TRAPPC8: variants seen among roughly 807,000 people sequenced by gnomAD.
TRAPPC8 encodes the protein general sporulation gene 1 homolog.
A neutral mutation model predicts 174.3 loss-of-function variants in TRAPPC8; 54 were observed. The ratio of observed to expected loss-of-function variants is 0.31; its 90% CI spans 0.25 to 0.39. The LOEUF (loss-of-function observed/expected upper bound fraction) is 0.39, where lower values mean the gene tolerates loss of function less well. TRAPPC8 is among the 10% of genes least tolerant of loss of function. TRAPPC8 has a pLI of 1.00. For synonymous variants in TRAPPC8, 630 were observed against 579.9 expected (o/e 1.09, Z -1.24); for missense variants, 1,531 against 1,699.1 (o/e 0.90, Z 1.74).
At chr18:31,885,743 C>T (rs2035676676) in intron 12 of TRAPPC8, among the ~76,000 whole-genome samples, 1 of 151,494 alleles carries the variant, frequency 6.6e-6, no homozygotes, top group Non-Finnish European at 1.5e-5. Context: ...GCCCGTAATC[C>T]CAGCTACTCG....
chr18:31,890,830 C>T lies in TRAPPC8; in HGVS notation c.1633G>A (p.Ala545Thr). 1 of 1,611,362 alleles carries T rather than the reference C, an allele frequency of 6.2e-7. No individual in the cohort carries two copies. Among genetic ancestry groups the T allele is most frequent in the Middle Eastern group, 1.7e-4 (1 of 6,052 alleles). Reference protein sequence around the residue: ...DLRSALLLEQAAHCFINMKSP... With the variant: ...DLRSALLLEQTAHCFINMKSP... ...TTCATGTTTATAAAGCAATGTGCTGCCTGTTCCAAAAGAAGTGCACTTCGA... is the reference window on the plus strand; with the variant it reads ...TTCATGTTTATAAAGCAATGTGCTGTCTGTTCCAAAAGAAGTGCACTTCGA... Residue 545 changes from alanine to threonine, a missense_variant, in exon 12 of 29, where the codon GCA (alanine) becomes ACA (threonine). Transcript: ENST00000283351.
At chr18:31,913,631 C>T (rs1047099236) in intron 4 of TRAPPC8, 109 bp from the exon 5 acceptor site, 8 of 792,902 alleles carry the variant, frequency 1.0e-5, no homozygotes, top group South Asian at 8.1e-5. Context: ...CCCAAAAAGG[C>T]ATATTTAGAC....
chr18:31,853,906 A>C lies in TRAPPC8; in HGVS notation c.3376T>G (p.Ser1126Ala), dbSNP rs1053730156. The change falls in exon 22 of 29, where the codon TCA becomes GCA. Residue 1126 changes from serine (S) to alanine (A), a missense_variant. By Grantham distance (99) the Ser-to-Ala change is moderately conservative. Coordinates refer to ENST00000283351, the MANE Select transcript of TRAPPC8 (RefSeq NM_014939.5). ...GVKEFHIVQV[S>A]SSSKHWKLQK... ...AACTTCCAGTGTTTGCTACTACTTG[A>C]TACTTGCACTATGTGGAATTCCTTA... The C allele has an allele frequency of 6.2e-7, 1 of 1,611,542 alleles. No individual in the cohort carries two copies. The highest frequency in any genetic ancestry group is 1.7e-5 in the Admixed American group (1 of 59,496).
At chr18:31,931,257 C>T (rs1341369002) in intron 2 of TRAPPC8, 72 bp downstream of exon 2, 6 of 1,378,662 alleles carry the variant, frequency 4.4e-6, no homozygotes, top group Non-Finnish European at 4.9e-6. Flanking sequence ...GATCATCTCC[C>T]AAGTCATAGA....
At chr18:31,914,352 A>G (rs2037045974) in intron 4 of TRAPPC8, among the ~76,000 whole-genome samples, 1 of 152,206 alleles carries the variant, frequency 6.6e-6, no homozygotes, top group Non-Finnish European at 1.5e-5. Flanking sequence ...GAAGGACAAT[A>G]AAGCAAACTC....
At chr18:31,906,713 C>A (rs1331212491) in intron 9 of TRAPPC8, among the ~76,000 whole-genome samples, 1 of 152,146 alleles carries the variant, frequency 6.6e-6, no homozygotes, top group African/African-American at 2.4e-5. Flanking sequence ...ATAGCAAATT[C>A]TTTGGAAATA....
intron 14 of TRAPPC8, among the ~76,000 whole-genome samples, chr18:31,872,211 T>C (rs1000574605): frequency 1.0e-3 from 159 of 152,322 alleles, no homozygotes; most frequent in African/African-American, 3.5e-3. Context: ...TTTGACTTTC[T>C]GTTTCTGAGT....
intron 2 of TRAPPC8, among the ~76,000 whole-genome samples, chr18:31,928,570 G>C (rs1024517603): frequency 1.1e-4 from 17 of 151,980 alleles, no homozygotes; most frequent in Non-Finnish European, 1.6e-4. Flanking sequence ...AAGACAAAAA[G>C]ATATTTTTGT....
chr18:31,923,868 C>T (rs1195544261), intron 2 of TRAPPC8, among the ~76,000 whole-genome samples: 1 of 152,132 alleles, frequency 6.6e-6, no homozygotes, highest in Non-Finnish European at 1.5e-5. Context: ...ATAATAAGGC[C>T]GGGTGTGGTG....
chr18:31,849,827 A>G (rs2033614715), intron 24 of TRAPPC8, 88 bp from the exon 25 acceptor site: 1 of 1,298,472 alleles, frequency 7.7e-7, no homozygotes, highest in African/African-American at 1.5e-5. Context: ...AATTAAATAT[A>G]TCCTGCCAAA....
At chr18:31,894,989 T>G (rs189657775) in intron 11 of TRAPPC8, among the ~76,000 whole-genome samples, 1 of 152,230 alleles carries the variant, frequency 6.6e-6, no homozygotes, top group South Asian at 2.1e-4. Flanking sequence ...AAAGGTAGCA[T>G]GTTTCACCAT....
In TRAPPC8 at chr18:31,908,981, G is replaced by C; in HGVS notation, c.895C>G (p.Pro299Ala). ...DGLPNNFRAHPLQLEQSSDPS... is the reference protein window; with the variant it reads ...DGLPNNFRAHALQLEQSSDPS... ...TCACTGGATTGCTCCAACTGAAGTG[G>C]GTGAGCTCTAAAGTTATTTGGTAAG... Residue 299 changes from proline to alanine, a missense_variant, in exon 7 of 29, where the codon CCA becomes GCA. Physicochemically the swap from Pro to Ala is conservative, Grantham distance 27 (BLOSUM62 -1). Coordinates refer to ENST00000283351, the MANE Select transcript of TRAPPC8 (RefSeq NM_014939.5). 1 of 1,610,770 alleles carries C rather than the reference G, an allele frequency of 6.2e-7. No homozygotes were observed. Among genetic ancestry groups the C allele is most frequent in the South Asian group, 1.1e-5 (1 of 90,804 alleles).
chr18:31,927,033 G>C (rs2037646188), intron 2 of TRAPPC8, among the ~76,000 whole-genome samples: 1 of 152,068 alleles, frequency 6.6e-6, no homozygotes, highest in Non-Finnish European at 1.5e-5. Context: ...AAATTGGTGG[G>C]GCAAGGTACA....
intron 19 of TRAPPC8, among the ~76,000 whole-genome samples, chr18:31,862,968 C>T (rs2034405751): frequency 6.7e-6 from 1 of 149,730 alleles, no homozygotes; most frequent in Non-Finnish European, 1.5e-5. Flanking sequence ...AGGAGAATTG[C>T]TTGAACCTGG....
intron 1 of TRAPPC8, among the ~76,000 whole-genome samples, chr18:31,939,075 T>A (rs1471004343): frequency 4.6e-5 from 4 of 87,890 alleles, no homozygotes; most frequent in Non-Finnish European, 6.0e-5. Flanking sequence ...AGAGCGAGAC[T>A]CCGTCTCAAA....
chr18:31,859,008 G>A lies in TRAPPC8; in HGVS notation c.2746-1026C>T, dbSNP rs1247247276. Among the ~76,000 whole-genome samples, 6 of 152,142 alleles carry A rather than the reference G, an allele frequency of 3.9e-5. No individual in the cohort carries two copies. The East Asian group carries it at 5.8e-4, about 15-fold the overall frequency. On this transcript the variant is annotated intron_variant, in intron 19 of 28. Coordinates refer to ENST00000283351, the MANE Select transcript of TRAPPC8 (RefSeq NM_014939.5). ...CTGGGGAGGCTGCAGTGGGAGGACT[G>A]CTCGAGCCCAGGAAGCAGAGGTTGC...
chr18:31,926,067 C>T (rs9304106), intron 2 of TRAPPC8, among the ~76,000 whole-genome samples: 3,771 of 152,186 alleles, frequency 0.025, 102 homozygotes, highest in African/African-American at 0.068. Context: ...GAGTGGGCCT[C>T]GGACAGCAAC....
Position 31,839,230 on chromosome 18 carries a change from A to C in TRAPPC8, c.3983+82T>G, listed in dbSNP as rs2032946101. The C allele has an allele frequency of 3.6e-6, 5 of 1,388,110 alleles. No homozygotes were observed. The East Asian group carries it at 1.2e-4, about 33-fold the overall frequency. 86.0% of individuals were successfully genotyped at this position (1,388,110 alleles called of 1,614,324 possible). A position where few individuals can be genotyped will look rare whatever the true frequency, so the allele number is the denominator to read the frequency against. ...AAATTTCCTCTTCAATATTTGGGTT[A>C]ATGTCACTGCCAAAATAAAAGAAAC... On this transcript the variant is annotated intron_variant, in intron 27 of 28. Coordinates refer to ENST00000283351, the MANE Select transcript of TRAPPC8 (RefSeq NM_014939.5).
intron 6 of TRAPPC8, 90 bp downstream of exon 6, chr18:31,909,576 TC>T: frequency 6.8e-7 from 1 of 1,479,840 alleles, no homozygotes; most frequent in African/African-American, 1.5e-5. Flanking sequence ...ATGAAAAATT[TC>T]CCCCATCTTT....
Sources: allele counts gnomAD v4.1 joint callset (sites outside exome capture counted in the v4.1 genomes callset), GRCh38; gene constraint gnomAD v4.1.1; transcripts MANE v1.5; gene names NCBI Gene and HGNC (gene_info 2026-07-23, HGNC 2026-07-21).